PKHD1L1: variants seen among roughly 807,000 people sequenced by gnomAD.
The protein encoded by PKHD1L1 is PKHD1 like 1, also known as fibrocystin-L.
Under a neutral mutation model 462.9 loss-of-function variants are expected in PKHD1L1, and 434 were observed. The ratio of observed to expected loss-of-function variants is 0.94; its 90% CI spans 0.87 to 1.02. The LOEUF (loss-of-function observed/expected upper bound fraction) is 1.02, where lower values mean the gene tolerates loss of function less well. Ranked by LOEUF, PKHD1L1 falls within the 50% of genes least tolerant of loss-of-function variation. The probability of loss-of-function intolerance (pLI) is 0.00; values close to 1 mark genes in which losing one functional copy is unlikely to be tolerated. For missense variants in PKHD1L1, 5,202 were observed against 5,096.1 expected (o/e 1.02, Z -0.63); for synonymous variants, 1,781 against 1,750.0 (o/e 1.02, Z -0.44).
intron 70 of PKHD1L1, among the ~76,000 whole-genome samples, chr8:109,508,920 A>G (rs1254767376): frequency 3.3e-5 from 5 of 152,064 alleles, no homozygotes; most frequent in African/African-American, 1.2e-4. Context: ...GAACTTCTAA[A>G]AGGTACTGAA....
chr8:109,369,187 G>A (rs1811372203), intron 2 of PKHD1L1, among the ~76,000 whole-genome samples: 2 of 143,056 alleles, frequency 1.4e-5, no homozygotes, highest in Non-Finnish European at 3.0e-5. Flanking sequence ...TCTTGGCCAG[G>A]TTGGTCTCAA....
rs1310116886 is a variant in PKHD1L1 at position 109,396,089 on chromosome 8, G to A, written c.874G>A (p.Gly292Arg). 1 of 1,609,346 alleles carries A rather than the reference G, an allele frequency of 6.2e-7. No homozygotes were observed. The highest frequency in any genetic ancestry group is 8.5e-7 in the Non-Finnish European group (1 of 1,178,090). ...IRGGTTLTISGRFFDQTDFPV... is the reference protein window; with the variant it reads ...IRGGTTLTISRRFFDQTDFPV... ...AGGTGGCACCACGCTGACAATAAGT[G>A]GGCGTTTCTTTGATCAGACAGATTT... The change falls in exon 11 of 78, where the codon GGG (glycine) becomes AGG (arginine). Residue 292 changes from glycine to arginine, a missense_variant. By Grantham distance (125) the Gly-to-Arg change is moderately radical (BLOSUM62 -2). Coordinates refer to ENST00000378402, the MANE Select transcript of PKHD1L1 (RefSeq NM_177531.6).
At position 109,523,215 on chromosome 8, in the gene PKHD1L1, CTTTT is replaced by C. The variant is rs71305955; in HGVS notation, c.12331-6_12331-3del. 374 of 1,442,054 alleles carry C rather than the reference CTTTT, an allele frequency of 2.6e-4. No individual in the cohort carries two copies. Among genetic ancestry groups the C allele is most frequent in the Admixed American group, 1.0e-3 (49 of 46,814 alleles). The allele number at this position is 1,442,054 out of a possible 1,614,324, so 89.3% of individuals were successfully genotyped here. On this transcript the variant is annotated splice_polypyrimidine_tract_variant and intron_variant, in intron 75 of 77. Transcript: ENST00000378402. ...ACAGGACAATTGTTATAATTATCTA[CTTTT>C]TTTTTTTTTTTAGGGTAACTGTGTA...
At chr8:109,385,163 C>T (rs1473529108) in intron 5 of PKHD1L1, among the ~76,000 whole-genome samples, 1 of 151,138 alleles carries the variant, frequency 6.6e-6, no homozygotes, top group Non-Finnish European at 1.5e-5. Context: ...AAATTTTCAC[C>T]TATTTTTCAA....
chr8:109,460,174 T>C (rs1225805049), intron 47 of PKHD1L1, among the ~76,000 whole-genome samples: 1 of 152,092 alleles, frequency 6.6e-6, no homozygotes, highest in Non-Finnish European at 1.5e-5. Flanking sequence ...ATGTTTAGAT[T>C]AGACCTTGAT....
At chr8:109,504,857 G>A (rs1819612621) in intron 68 of PKHD1L1, among the ~76,000 whole-genome samples, 1 of 152,082 alleles carries the variant, frequency 6.6e-6, no homozygotes, top group Admixed American at 6.6e-5. Flanking sequence ...GGAGGTTGAA[G>A]CAAGAGGATT....
intron 73 of PKHD1L1, among the ~76,000 whole-genome samples, chr8:109,520,985 G>T (rs1820523540): frequency 6.6e-6 from 1 of 152,154 alleles, no homozygotes; most frequent in Non-Finnish European, 1.5e-5. Flanking sequence ...GTTCTGTACT[G>T]CTACAGCTAG....
intron 50 of PKHD1L1, among the ~76,000 whole-genome samples, chr8:109,468,429 A>G (rs1817557582): frequency 6.6e-6 from 1 of 152,222 alleles, no homozygotes. Context: ...GTGAATACCT[A>G]GAGGGCAATA....
At chr8:109,401,620 G>A in intron 14 of PKHD1L1, 32 bp downstream of exon 14, 1 of 1,166,206 alleles carries the variant, frequency 8.6e-7, no homozygotes, top group South Asian at 1.4e-5. Context: ...AAATTACTGT[G>A]TGGTATTTAT....
rs780955800 is a variant in PKHD1L1, at chr8:109,385,656, T to G, written c.569+26T>G. On this transcript the variant is annotated intron_variant, in intron 6 of 77. Transcript: ENST00000378402. ...GTAATCTTTTGATGTGGAAATATAT[T>G]CTTATAACTCATAAATGAGAAGTAA... 10 of 1,389,752 alleles carry G rather than the reference T, an allele frequency of 7.2e-6. No homozygotes were observed. In the South Asian group the frequency reaches 1.1e-4, roughly 15 times the overall value. 86.1% of individuals were successfully genotyped at this position (1,389,752 alleles called of 1,614,324 possible). A position where few individuals can be genotyped will look rare whatever the true frequency, so the allele number is the denominator to read the frequency against.
At chr8:109,430,154 C>A in intron 27 of PKHD1L1, 117 bp downstream of exon 27, 1 of 628,464 alleles carries the variant, frequency 1.6e-6, no homozygotes, top group Non-Finnish European at 2.7e-6. Context: ...AGCAAGCAAA[C>A]AGTTCTACAT....
At chr8:109,391,227 A>C (rs1391498033) in intron 9 of PKHD1L1, among the ~76,000 whole-genome samples, 1 of 152,220 alleles carries the variant, frequency 6.6e-6, no homozygotes, top group Non-Finnish European at 1.5e-5. Flanking sequence ...ACCCACTGGG[A>C]AAATGAGACT....
chr8:109,371,470 T>A (rs1213398467), intron 2 of PKHD1L1, among the ~76,000 whole-genome samples: 1 of 144,694 alleles, frequency 6.9e-6, no homozygotes, highest in South Asian at 2.3e-4. Flanking sequence ...TTCACTCTGA[T>A]GGTAGTTTCT....
chr8:109,368,868 G>A (rs114344846), intron 2 of PKHD1L1, among the ~76,000 whole-genome samples: 230 of 151,886 alleles, frequency 1.5e-3, no homozygotes, highest in African/African-American at 5.3e-3. Context: ...ATTTCCATCC[G>A]AAGCCTCATC....
intron 27 of PKHD1L1, among the ~76,000 whole-genome samples, chr8:109,430,710 G>C (rs898553848): frequency 6.6e-6 from 1 of 152,006 alleles, no homozygotes; most frequent in Non-Finnish European, 1.5e-5. Flanking sequence ...TTTAGTCTTG[G>C]TGGATAGTAG....
intron 28 of PKHD1L1, 62 bp downstream of exon 28, chr8:109,433,278 G>A: frequency 8.2e-7 from 1 of 1,223,734 alleles, no homozygotes; most frequent in Non-Finnish European, 1.2e-6. Flanking sequence ...TGGAATCAAA[G>A]GGCAGTATTA....
chr8:109,516,380 G>T (rs1208349268), intron 72 of PKHD1L1, among the ~76,000 whole-genome samples: 2 of 152,174 alleles, frequency 1.3e-5, no homozygotes, highest in Middle Eastern at 3.4e-3. Context: ...TTCTTGCTGT[G>T]TCCTGACATG....
chr8:109,402,903 C>T (rs1813346392), intron 14 of PKHD1L1, among the ~76,000 whole-genome samples: 1 of 152,036 alleles, frequency 6.6e-6, no homozygotes, highest in Admixed American at 6.6e-5. Context: ...AGTTTCATTC[C>T]TTTTTTATCC....
chr8:109,396,253 A>C (rs1812969738), intron 11 of PKHD1L1, 116 bp downstream of exon 11: 1 of 754,218 alleles, frequency 1.3e-6, no homozygotes, highest in Non-Finnish European at 2.1e-6. Flanking sequence ...TTGGAAGCTG[A>C]GTATTTTCAC....
Sources: allele counts gnomAD v4.1 joint callset (sites outside exome capture counted in the v4.1 genomes callset), GRCh38; gene constraint gnomAD v4.1.1; transcripts MANE v1.5; gene names NCBI Gene and HGNC (gene_info 2026-07-23, HGNC 2026-07-21).